Variants in CNTN4 observed in about 807,000 individuals in gnomAD.
The protein encoded by CNTN4 is contactin 4.
CNTN4 carries 77 observed loss-of-function variants against 122.5 expected under a neutral mutation model. The ratio of observed to expected loss-of-function variants is 0.63; its 90% CI spans 0.52 to 0.76. CNTN4 has a LOEUF of 0.76. CNTN4 is among the 30% of genes least tolerant of loss of function. CNTN4 has a pLI of 0.00. For synonymous variants in CNTN4, 512 were observed against 447.0 expected, an observed-to-expected ratio of 1.15 and a Z score of -1.83; for missense variants, 1,256 against 1,259.1, an observed-to-expected ratio of 1.00 and a Z score of 0.04.
chr3:2,446,790 C>T (rs1159772031), intron 3 of CNTN4, among the ~76,000 whole-genome samples: 1 of 152,180 alleles, frequency 6.6e-6, no homozygotes, highest in Non-Finnish European at 1.5e-5. Context: ...AATGACAGTG[C>T]TAAATATGTC....
chr3:2,616,734 C>T (rs1001734647), intron 4 of CNTN4, among the ~76,000 whole-genome samples: 3 of 152,126 alleles, frequency 2.0e-5, no homozygotes, highest in East Asian at 3.9e-4. Context: ...TCCCTGACTT[C>T]GAACTATACT....
intron 3 of CNTN4, among the ~76,000 whole-genome samples, chr3:2,423,525 C>T (rs1324041185): frequency 1.3e-5 from 2 of 149,280 alleles, no homozygotes; most frequent in South Asian, 4.2e-4. Context: ...ATCCTTTTTG[C>T]CCAAAATAGA....
At chr3:2,740,064 T>C (rs757620595) in intron 5 of CNTN4, among the ~76,000 whole-genome samples, 4 of 152,016 alleles carry the variant, frequency 2.6e-5, no homozygotes, top group Non-Finnish European at 5.9e-5. Flanking sequence ...TAACTCAAAA[T>C]AGTCAATATA....
chr3:2,256,084 C>T (rs938777381), intron 2 of CNTN4, among the ~76,000 whole-genome samples: 4 of 151,916 alleles, frequency 2.6e-5, no homozygotes, highest in African/African-American at 7.3e-5. Flanking sequence ...ATCAACTAGA[C>T]AGAATAAAAA....
chr3:2,751,869 C>G (rs1299938324), intron 6 of CNTN4, among the ~76,000 whole-genome samples: 4 of 152,068 alleles, frequency 2.6e-5, no homozygotes, highest in African/African-American at 9.7e-5. Context: ...GGAATGTGGG[C>G]TTGAGAAGAT....
chr3:2,608,562 C>T (rs1437715845), intron 4 of CNTN4, among the ~76,000 whole-genome samples: 1 of 152,246 alleles, frequency 6.6e-6, no homozygotes, highest in Non-Finnish European at 1.5e-5. Context: ...ACCTCTGCCT[C>T]ATGGGTTCTC....
chr3:2,251,181 G>A (rs2040363939), intron 2 of CNTN4, among the ~76,000 whole-genome samples: 1 of 151,842 alleles, frequency 6.6e-6, no homozygotes, highest in Non-Finnish European at 1.5e-5. Context: ...CCTTGAATAT[G>A]CCACAAGCAA....
At chr3:2,505,965 C>A (rs532408600) in intron 3 of CNTN4, among the ~76,000 whole-genome samples, 1 of 152,044 alleles carries the variant, frequency 6.6e-6, no homozygotes, top group Admixed American at 6.5e-5. Flanking sequence ...TCTTTTCACT[C>A]CATAAAATAT....
intron 2 of CNTN4, among the ~76,000 whole-genome samples, chr3:2,129,295 T>G (rs1182778549): frequency 6.8e-6 from 1 of 146,162 alleles, no homozygotes; most frequent in Non-Finnish European, 1.5e-5. Flanking sequence ...GCGCACATCA[T>G]GTGCAGAGAC....
At chr3:2,764,426 G>A (rs1268640218) in intron 6 of CNTN4, among the ~76,000 whole-genome samples, 1 of 152,204 alleles carries the variant, frequency 6.6e-6, no homozygotes, top group African/African-American at 2.4e-5. Context: ...TGCTGTGGTG[G>A]CATAGAGCAT....
intron 4 of CNTN4, among the ~76,000 whole-genome samples, chr3:2,668,717 T>A (rs1466502053): frequency 1.3e-5 from 2 of 152,196 alleles, no homozygotes; most frequent in Non-Finnish European, 2.9e-5. Context: ...CAGTATGATA[T>A]TGGCTGTGGG....
chr3:2,783,043 C>T (rs1276193378), intron 6 of CNTN4, among the ~76,000 whole-genome samples: 1 of 151,998 alleles, frequency 6.6e-6, no homozygotes, highest in Non-Finnish European at 1.5e-5. Context: ...CTTTGGGAGG[C>T]AGACGTGGGA....
rs149941742 is a variant in CNTN4 at position 2,770,551 on chromosome 3, A to T, written c.358+24854A>T. Among the ~76,000 whole-genome samples, 15 of 152,340 alleles carry T rather than the reference A, an allele frequency of 9.8e-5. No homozygotes were observed. In the East Asian group the frequency reaches 2.3e-3, roughly 24 times the overall value. On this transcript the variant is annotated intron_variant, in intron 6 of 24. Transcript: ENST00000418658. ...TATCATAAAAGCTTCAGATCTCTGCAAAATAGTGTCTCTTTTTCTACAGAT... is the reference window on the plus strand; with the variant it reads ...TATCATAAAAGCTTCAGATCTCTGCTAAATAGTGTCTCTTTTTCTACAGAT...
intron 4 of CNTN4, among the ~76,000 whole-genome samples, chr3:2,662,985 C>A (rs925278271): frequency 1.2e-4 from 18 of 151,742 alleles, no homozygotes; most frequent in African/African-American, 3.4e-4. Context: ...GCCTGTAATC[C>A]CAGCTGCTCA....
intron 5 of CNTN4, among the ~76,000 whole-genome samples, chr3:2,739,421 G>C (rs554043687): frequency 2.0e-5 from 3 of 152,078 alleles, no homozygotes; most frequent in South Asian, 2.1e-4. Flanking sequence ...TGGTATGTTC[G>C]TACAAGGTAA....
chr3:2,747,478 T>G (rs988339616), intron 6 of CNTN4, among the ~76,000 whole-genome samples: 1 of 32,602 alleles, frequency 3.1e-5, no homozygotes, highest in African/African-American at 4.7e-5. Context: ...CAGCTTACAT[T>G]TAAAAAAAAA....
intron 2 of CNTN4, among the ~76,000 whole-genome samples, chr3:2,101,361 C>G (rs1178349355): frequency 6.6e-6 from 1 of 152,170 alleles, no homozygotes; most frequent in Non-Finnish European, 1.5e-5. Context: ...ACTGACTTTT[C>G]TACAAGTTTG....
intron 12 of CNTN4, among the ~76,000 whole-genome samples, chr3:2,925,330 C>G (rs1041350487): frequency 6.6e-6 from 1 of 151,928 alleles, no homozygotes; most frequent in African/African-American, 2.4e-5. Flanking sequence ...CTGAGGCGGG[C>G]GGATCACGAG....
At chr3:2,951,687 T>G (rs2094747100) in intron 13 of CNTN4, among the ~76,000 whole-genome samples, 1 of 152,232 alleles carries the variant, frequency 6.6e-6, no homozygotes, top group African/African-American at 2.4e-5. Context: ...CAGTCGTTCA[T>G]ATGTGTATAT....
Sources: gnomAD v4.1 joint callset for allele counts (sites outside exome capture counted in the v4.1 genomes callset) on GRCh38, gnomAD v4.1.1 for gene constraint, MANE v1.5 for transcripts, NCBI Gene and HGNC (gene_info 2026-07-23, HGNC 2026-07-21) for gene names.